Variants in LUZP2 observed in about 807,000 individuals in gnomAD.
LUZP2 encodes the protein leucine zipper protein 2.
Under a neutral mutation model 51.6 loss-of-function variants are expected in LUZP2, and 52 were observed. The observed-to-expected ratio is 1.01, with a 90% CI of 0.81 to 1.27. The LOEUF (loss-of-function observed/expected upper bound fraction) is 1.27. LUZP2 is among the 50% of genes most tolerant of loss of function. The pLI, the probability that LUZP2 is intolerant of heterozygous loss-of-function variation, is 0.00. For missense variants in LUZP2, 436 were observed against 395.4 expected (o/e 1.10, Z -0.87); for synonymous variants, 154 against 137.3 (o/e 1.12, Z -0.85).
intron 5 of LUZP2, among the ~76,000 whole-genome samples, chr11:24,783,582 T>C (rs1289095326): frequency 6.6e-6 from 1 of 152,032 alleles, no homozygotes; most frequent in Non-Finnish European, 1.5e-5. Flanking sequence ...TCCTCTGGTA[T>C]GCATTTTAAA....
At chr11:25,042,374 C>T (rs143823700) in intron 9 of LUZP2, among the ~76,000 whole-genome samples, 5 of 151,884 alleles carry the variant, frequency 3.3e-5, no homozygotes, top group African/African-American at 7.2e-5. Context: ...ATTTTGAGTA[C>T]CATTTAAAAG....
At chr11:24,550,006 C>T (rs990928908) in intron 1 of LUZP2, among the ~76,000 whole-genome samples, 22 of 152,056 alleles carry the variant, frequency 1.4e-4, no homozygotes, top group African/African-American at 5.3e-4. Context: ...CCACCACCCT[C>T]TTCTGAAATG....
intron 5 of LUZP2, among the ~76,000 whole-genome samples, chr11:24,848,904 C>G (rs1486703): frequency 0.15 from 23,047 of 151,842 alleles, 1,912 homozygotes; most frequent in African/African-American, 0.2. Flanking sequence ...AGGAGCATAC[C>G]TCAAAAACTA....
intron 7 of LUZP2, among the ~76,000 whole-genome samples, chr11:24,928,240 C>T (rs1854337815): frequency 6.6e-6 from 1 of 152,048 alleles, no homozygotes; most frequent in Admixed American, 6.5e-5. Context: ...TTTCTCTTGT[C>T]TGATTGCCCT....
At chr11:24,887,789 G>A (rs1852721224) in intron 5 of LUZP2, among the ~76,000 whole-genome samples, 1 of 152,140 alleles carries the variant, frequency 6.6e-6, no homozygotes, top group Non-Finnish European at 1.5e-5. Flanking sequence ...GTATTTTCTA[G>A]TCATTTGAAA....
At chr11:24,573,213 G>C (rs763043236) in intron 1 of LUZP2, among the ~76,000 whole-genome samples, 10 of 151,956 alleles carry the variant, frequency 6.6e-5, no homozygotes, top group Non-Finnish European at 1.2e-4. Flanking sequence ...CTCATATTTT[G>C]TAAATGCTCA....
intron 7 of LUZP2, among the ~76,000 whole-genome samples, chr11:24,963,498 G>A (rs754856505): frequency 3.5e-4 from 54 of 152,262 alleles, no homozygotes; most frequent in Non-Finnish European, 6.3e-4. Context: ...CCCCGCTGCT[G>A]CCTTGCAGTT....
At chr11:24,852,697 G>T (rs919024373) in intron 5 of LUZP2, among the ~76,000 whole-genome samples, 3 of 151,048 alleles carry the variant, frequency 2.0e-5, no homozygotes, top group Non-Finnish European at 4.5e-5. Flanking sequence ...CTGTTATTGT[G>T]TGGGAGTCTA....
At position 25,008,524 on chromosome 11, in the gene LUZP2, G is replaced by C. The variant is rs182596870; in HGVS notation, c.765+25231G>C. Reference sequence around the variant, plus strand: ...CACGGCTCATTTGGTTCCTCCATTTGCAGCTTGGTGAACTGGGGCATGTGA... The same window carrying C: ...CACGGCTCATTTGGTTCCTCCATTTCCAGCTTGGTGAACTGGGGCATGTGA... On this transcript the variant is annotated intron_variant, in intron 9 of 11. Coordinates refer to ENST00000336930, the MANE Select transcript of LUZP2 (RefSeq NM_001009909.4). Among the ~76,000 whole-genome samples the C allele has an allele frequency of 3.9e-5, 6 of 152,290 alleles. No individual in the cohort carries two copies. The East Asian group carries it at 1.2e-3, about 30-fold the overall frequency.
intron 9 of LUZP2, among the ~76,000 whole-genome samples, chr11:25,008,276 G>A (rs150044211): frequency 2.6e-4 from 40 of 152,330 alleles, no homozygotes; most frequent in African/African-American, 8.7e-4. Context: ...TCAATGGTGG[G>A]TAGATGAGGG....
intron 5 of LUZP2, among the ~76,000 whole-genome samples, chr11:24,849,919 T>A (rs1851334873): frequency 6.6e-6 from 1 of 152,212 alleles, no homozygotes; most frequent in Admixed American, 6.5e-5. Flanking sequence ...GCTGCATAAG[T>A]GTCTTCTTTT....
chr11:24,866,964 G>A (rs1008633637), intron 5 of LUZP2, among the ~76,000 whole-genome samples: 2 of 152,078 alleles, frequency 1.3e-5, no homozygotes, highest in Non-Finnish European at 2.9e-5. Context: ...GGCTGCTAAC[G>A]GCATCCATTC....
chr11:24,632,158 A>G (rs1174996131), intron 1 of LUZP2, among the ~76,000 whole-genome samples: 1 of 152,018 alleles, frequency 6.6e-6, no homozygotes, highest in Non-Finnish European at 1.5e-5. Flanking sequence ...CACCTGAAAG[A>G]TAGGCATTTC....
At chr11:24,958,016 C>T (rs1296756030) in intron 7 of LUZP2, among the ~76,000 whole-genome samples, 5 of 152,000 alleles carry the variant, frequency 3.3e-5, no homozygotes, top group Admixed American at 6.6e-5. Context: ...GTTTTTTGTT[C>T]TTGCGATAGT....
intron 4 of LUZP2, among the ~76,000 whole-genome samples, chr11:24,745,666 T>C (rs1859352448): frequency 6.6e-6 from 1 of 151,846 alleles, no homozygotes; most frequent in African/African-American, 2.4e-5. Flanking sequence ...TTGTTGTTGT[T>C]GTTTGATTTG....
intron 1 of LUZP2, among the ~76,000 whole-genome samples, chr11:24,597,348 G>A (rs747263617): frequency 7.9e-5 from 12 of 152,138 alleles, no homozygotes; most frequent in East Asian, 1.9e-4. Flanking sequence ...TTGATATACA[G>A]TAAGTCTTCC....
Position 24,729,164 on chromosome 11 carries a change from G to A in LUZP2, c.63-5G>A, listed in dbSNP as rs1203710348. ...GGGCTCTCATGCCTGTTCTTTCTGT[G>A]TTAGACAGGACTATGAAGAGCTAGA... On this transcript the variant is annotated splice_region_variant and splice_polypyrimidine_tract_variant and intron_variant, in intron 1 of 11. Transcript: ENST00000336930. 6.6e-7 allele frequency: 1 copy of A among 1,506,374 alleles called. No homozygotes were observed. Among genetic ancestry groups the A allele is most frequent in the Non-Finnish European group, 9.0e-7 (1 of 1,109,386 alleles). 93.3% of individuals were successfully genotyped at this position (1,506,374 alleles called of 1,614,324 possible). A position where few individuals can be genotyped will look rare whatever the true frequency, so the allele number is the denominator to read the frequency against.
chr11:24,952,740 T>G (rs189493164), intron 7 of LUZP2, among the ~76,000 whole-genome samples: 102 of 152,102 alleles, frequency 6.7e-4, no homozygotes, highest in African/African-American at 2.4e-3. Flanking sequence ...AATAATACTT[T>G]TTGTTCTACT....
At chr11:24,873,358 T>C (rs1852143481) in intron 5 of LUZP2, among the ~76,000 whole-genome samples, 1 of 152,184 alleles carries the variant, frequency 6.6e-6, no homozygotes, top group Non-Finnish European at 1.5e-5. Context: ...ACAGATCATT[T>C]ATATATAATA....
Sources: gnomAD v4.1 joint callset for allele counts (sites outside exome capture counted in the v4.1 genomes callset) on GRCh38, gnomAD v4.1.1 for gene constraint, MANE v1.5 for transcripts, NCBI Gene and HGNC (gene_info 2026-07-23, HGNC 2026-07-21) for gene names.